The following MEGF6 variants were observed in gnomAD, a reference collection of about 807,000 sequenced individuals.
MEGF6 encodes multiple EGF like domains 6, also known as multiple epidermal growth factor-like domains protein 6.
Under a neutral mutation model 207.1 loss-of-function variants are expected in MEGF6, and 184 were observed. That is an observed-to-expected ratio of 0.89 (90% CI 0.79 to 1.00). The LOEUF (loss-of-function observed/expected upper bound fraction) is 1.00, where lower values mean the gene tolerates loss of function less well. MEGF6 is among the 50% of genes least tolerant of loss of function. The probability of loss-of-function intolerance (pLI) is 0.00; values close to 1 mark genes in which losing one functional copy is unlikely to be tolerated. For synonymous variants in MEGF6, 1,038 were observed against 910.0 expected (o/e 1.14, Z -2.53); for missense variants, 2,282 against 2,202.9 (o/e 1.04, Z -0.72).
chr1:3,501,481 C>T (rs898735309), intron 18 of MEGF6, among the ~76,000 whole-genome samples, 173 bp from the exon 19 acceptor site: 3 of 152,060 alleles, frequency 2.0e-5, no homozygotes, highest in Admixed American at 6.5e-5. Flanking sequence ...CTGCAGGCTG[C>T]GGGGTGCGCA....
At chr1:3,550,098 T>G (rs1245652055) in intron 4 of MEGF6, among the ~76,000 whole-genome samples, 1 of 152,064 alleles carries the variant, frequency 6.6e-6, no homozygotes, top group African/African-American at 2.4e-5. Context: ...ATCCCGGGAA[T>G]TTTCTATCAG....
Position 3,562,248 on chromosome 1 carries a change from A to C in MEGF6, c.481+17577T>G, listed in dbSNP as rs536822705. Reference sequence around the variant, plus strand: ...CATCTCTATCTTTTTCTATCTCTCTATGTCTCTTTGTCTCTGTCTTTTTCT... The same window carrying C: ...CATCTCTATCTTTTTCTATCTCTCTCTGTCTCTTTGTCTCTGTCTTTTTCT... On this transcript the variant is annotated intron_variant, in intron 4 of 36. Coordinates refer to ENST00000356575, the MANE Select transcript of MEGF6 (RefSeq NM_001409.4). 3.3e-5 allele frequency among the ~76,000 whole-genome samples: 5 copies of C among 149,372 alleles called. No individual in the cohort carries two copies. The South Asian group carries it at 1.1e-3, about 32-fold the overall frequency.
At chr1:3,620,804 G>A in the MEGF6 span, among the ~76,000 whole-genome samples, 8 of 152,202 alleles carry the variant, frequency 5.3e-5, no homozygotes, top group East Asian at 1.9e-4. Context: ...TAGCAGCCCC[G>A]AATGCCTGGC....
chr1:3,555,838 A>AGG (rs1643017169), intron 4 of MEGF6, among the ~76,000 whole-genome samples: 1 of 152,224 alleles, frequency 6.6e-6, no homozygotes, highest in Non-Finnish European at 1.5e-5. Flanking sequence ...CAAGGAAGCG[A>AGG]GGTATCCTGG....
At chr1:3,616,730 T>A in the MEGF6 span, among the ~76,000 whole-genome samples, 1 of 152,096 alleles carries the variant, frequency 6.6e-6, no homozygotes, top group Non-Finnish European at 1.5e-5. Flanking sequence ...AAAGAGAAAG[T>A]AAAGTGAAAA....
intron 4 of MEGF6, among the ~76,000 whole-genome samples, chr1:3,546,775 G>A (rs1279249664): frequency 6.7e-6 from 1 of 149,118 alleles, no homozygotes; most frequent in Non-Finnish European, 1.5e-5. Flanking sequence ...CCATGGCGGG[G>A]TGGCAATGGC....
At chr1:3,505,097 G>C (rs1317582992) in intron 17 of MEGF6, 111 bp downstream of exon 17, 1 of 1,453,420 alleles carries the variant, frequency 6.9e-7, no homozygotes, top group African/African-American at 1.4e-5. Flanking sequence ...CTTAGGCAAA[G>C]GGGGCCGATA....
At chr1:3,524,869 C>G (rs1013734975) in intron 4 of MEGF6, among the ~76,000 whole-genome samples, 3 of 152,148 alleles carry the variant, frequency 2.0e-5, no homozygotes, top group African/African-American at 7.2e-5. Context: ...AAGAGACACA[C>G]AGAGAGGGCC....
At chr1:3,607,036 C>T (rs932953570) in intron 1 of MEGF6, among the ~76,000 whole-genome samples, 1 of 152,054 alleles carries the variant, frequency 6.6e-6, no homozygotes, top group Non-Finnish European at 1.5e-5. Context: ...GGAAAGCAGG[C>T]GTGATGACAG....
the MEGF6 span, among the ~76,000 whole-genome samples, chr1:3,620,816 G>A: frequency 6.6e-6 from 1 of 152,244 alleles, no homozygotes; most frequent in South Asian, 2.1e-4. Context: ...ATGCCTGGCT[G>A]CGCTGTTATT....
At chr1:3,555,338 C>T (rs961971488) in intron 4 of MEGF6, among the ~76,000 whole-genome samples, 1 of 152,168 alleles carries the variant, frequency 6.6e-6, no homozygotes, top group Non-Finnish European at 1.5e-5. Context: ...AGGGCAGAGG[C>T]CCTGAGGGCC....
intron 4 of MEGF6, among the ~76,000 whole-genome samples, chr1:3,544,000 G>C (rs1570102154): frequency 6.6e-6 from 1 of 152,182 alleles, no homozygotes; most frequent in Non-Finnish European, 1.5e-5. Context: ...GCAGTGGGAA[G>C]CCCATTCACC....
chr1:3,557,862 C>T (rs941357816), intron 4 of MEGF6, among the ~76,000 whole-genome samples: 1 of 152,202 alleles, frequency 6.6e-6, no homozygotes, highest in Non-Finnish European at 1.5e-5. Context: ...AGGCGCCGTC[C>T]GGGTGGGCAC....
chr1:3,553,161 GC>G (rs1228039010), intron 4 of MEGF6, among the ~76,000 whole-genome samples: 2 of 138,128 alleles, frequency 1.4e-5, no homozygotes, highest in African/African-American at 2.8e-5. Context: ...CACAAGCCCC[GC>G]CCCCCACTGA....
chr1:3,591,420 A>G (rs1174119353), intron 3 of MEGF6, among the ~76,000 whole-genome samples: 2 of 152,178 alleles, frequency 1.3e-5, no homozygotes, highest in African/African-American at 2.4e-5. Flanking sequence ...TGCTACTAAC[A>G]GGAGTCACCA....
chr1:3,491,689 C>T (rs756102832), intron 35 of MEGF6, among the ~76,000 whole-genome samples: 262 of 151,992 alleles, frequency 1.7e-3, no homozygotes, highest in Non-Finnish European at 2.6e-3. Flanking sequence ...ACATGTCTTG[C>T]CCCGCACAGG....
In MEGF6 at chr1:3,499,678, C is replaced by T. The variant is rs574253509; in HGVS notation, c.2875G>A (p.Ala959Thr). The change falls in exon 23 of 37, where the codon GCC (alanine) becomes ACC (threonine). Residue 959 changes from alanine to threonine, a missense_variant. Coordinates refer to ENST00000356575, the MANE Select transcript of MEGF6 (RefSeq NM_001409.4). The part of the protein sequence containing the change: ...AGFFGLDCRS[A>T]CNCTAGAACD... ...GCAGCTCCGGCGGTGCAGTTGCAGG[C>T]ACTGCGACAGTCCAATCCAAAGAAG... 6 of 1,600,820 alleles carry T rather than the reference C, an allele frequency of 3.7e-6. No individual in the cohort carries two copies. The highest frequency in any genetic ancestry group is 1.1e-5 in the South Asian group (1 of 88,924).
chr1:3,585,513 AGTGACACATGTCCTGTTGTGGGT>A (rs1288728532), intron 3 of MEGF6, among the ~76,000 whole-genome samples: 2 of 134,696 alleles, frequency 1.5e-5, no homozygotes. Flanking sequence ...TGTGGGTGTG[AGTGACACATGTCCTGTTGTGGGT>A]GTGACACATG....
chr1:3,597,821 C>A (rs1278202235), intron 2 of MEGF6, among the ~76,000 whole-genome samples: 1 of 152,220 alleles, frequency 6.6e-6, no homozygotes, highest in East Asian at 1.9e-4. Flanking sequence ...TAAAGCCCTG[C>A]TGTTTTGAAG....
Sources: gnomAD v4.1 joint callset for allele counts (sites outside exome capture counted in the v4.1 genomes callset) on GRCh38, gnomAD v4.1.1 for gene constraint, MANE v1.5 for transcripts, NCBI Gene and HGNC (gene_info 2026-07-23, HGNC 2026-07-21) for gene names.